AFDN: variants seen among roughly 807,000 people sequenced by gnomAD.
AFDN encodes the protein afadin, adherens junction formation factor.
In AFDN, 68 loss-of-function variants were observed where a neutral mutation model predicts 216.6. The observed-to-expected ratio is 0.31, with a 90% CI of 0.26 to 0.38. AFDN has a LOEUF of 0.38. AFDN is among the 10% of genes least tolerant of loss of function. The pLI, the probability that AFDN is intolerant of heterozygous loss-of-function variation, is 1.00. For missense variants in AFDN, 2,136 were observed against 2,342.0 expected (o/e 0.91, Z 1.82); for synonymous variants, 868 against 853.7 (o/e 1.02, Z -0.29).
chr6:167,903,975 A>G (rs1789322839), intron 12 of AFDN, among the ~76,000 whole-genome samples: 1 of 152,096 alleles, frequency 6.6e-6, no homozygotes, highest in Non-Finnish European at 1.5e-5. Flanking sequence ...ACCCTCCTAT[A>G]AACCACCTAG....
chr6:167,889,174 T>C, intron 6 of AFDN, 41 bp from the exon 7 acceptor site: 2 of 1,346,500 alleles, frequency 1.5e-6, no homozygotes, highest in Non-Finnish European at 2.1e-6. Context: ...TTAACTTAGT[T>C]ACTTTGGCAC....
Position 167,921,755 on chromosome 6 carries a change from C to G in AFDN, c.2909-1101C>G, listed in dbSNP as rs527837308. Among the ~76,000 whole-genome samples the G allele has an allele frequency of 9.7e-4, 147 of 151,214 alleles. 1 individual carries two copies. The highest frequency in any genetic ancestry group is 1.0e-3 in the Non-Finnish European group (71 of 67,864). ...TTCCCTGAAACATGAGAAAGAGAAG[C>G]AAGTTGTAGGTTATATTTTCATGAA... On this transcript the variant is annotated intron_variant, in intron 21 of 33. Coordinates refer to ENST00000683244, the MANE Select transcript of AFDN (RefSeq NM_001386888.1).
In AFDN at chr6:167,901,027, T is replaced by C. The variant is rs561502023; in HGVS notation, c.1581-1290T>C. On this transcript the variant is annotated intron_variant, in intron 11 of 33. Transcript: ENST00000683244. ...GGTATTATTTTGCATTACAAAATGG[T>C]TTTATTTTCTTAGTGGTGAGATAGA... Among the ~76,000 whole-genome samples, 11 of 152,300 alleles carry C rather than the reference T, an allele frequency of 7.2e-5. No individual in the cohort carries two copies. The South Asian group carries it at 2.3e-3, about 32-fold the overall frequency.
At position 167,951,600 on chromosome 6, in the gene AFDN, C is replaced by A. The variant is rs144643489; in HGVS notation, c.4246C>A (p.Arg1416=). The A allele has an allele frequency of 4.4e-4, 717 of 1,613,996 alleles. 1 individual carries two copies. Among genetic ancestry groups the A allele is most frequent in the Middle Eastern group, 2.1e-3 (13 of 6,062 alleles). Reference sequence around the variant, plus strand: ...GTCTGCGCAGGTGGCTGCTGCTGAACGGAGAAAGAGAGAAGAACATCAGCG... The same window carrying A: ...GTCTGCGCAGGTGGCTGCTGCTGAAAGGAGAAAGAGAGAAGAACATCAGCG... ...LPSAQVAAAE[R]RKREEHQRWY... The change falls in exon 30 of 34, where the codon CGG becomes AGG. Residue 1416 remains arginine, a synonymous_variant. Coordinates refer to ENST00000683244, the MANE Select transcript of AFDN (RefSeq NM_001386888.1). This position sits in a 1 kb window ranked among gnomAD's most constrained non-coding sequence, Gnocchi z 7.1.
intron 23 of AFDN, among the ~76,000 whole-genome samples, chr6:167,936,907 T>C (rs1418212001): frequency 1.3e-5 from 2 of 152,234 alleles, no homozygotes; most frequent in Non-Finnish European, 2.9e-5. Flanking sequence ...TTCTTTCATC[T>C]CTGGGTAATC....
intron 1 of AFDN, among the ~76,000 whole-genome samples, chr6:167,851,295 G>A (rs1417044473): frequency 6.6e-6 from 1 of 152,110 alleles, no homozygotes. Context: ...AGGGTCAGGG[G>A]ACATCTGCAG....
intron 3 of AFDN, among the ~76,000 whole-genome samples, chr6:167,871,823 G>A (rs1784831056): frequency 6.6e-6 from 1 of 152,048 alleles, no homozygotes; most frequent in Non-Finnish European, 1.5e-5. Context: ...TTATAATTTT[G>A]TTAGGTTTCT....
intron 12 of AFDN, among the ~76,000 whole-genome samples, chr6:167,902,788 T>C (rs958161849): frequency 1.3e-5 from 2 of 152,228 alleles, no homozygotes; most frequent in Non-Finnish European, 2.9e-5. Context: ...AAAGAGAAAC[T>C]GCAGATAAGG....
Position 167,969,949 on chromosome 6 carries a change from G to T in AFDN, c.*14G>T. ...AACACAAAGTGAAAGAAAATGAGGA[G>T]AACACTTTGTATTTACCCCAAAATC... On this transcript the variant is annotated 3_prime_UTR_variant, in exon 34 of 34. Transcript: ENST00000683244. 6.3e-7 allele frequency: 1 copy of T among 1,596,124 alleles called. No homozygotes were observed. Among genetic ancestry groups the T allele is most frequent in the Non-Finnish European group, 8.5e-7 (1 of 1,174,222 alleles).
At chr6:167,837,741 G>A (rs1039501896) in intron 1 of AFDN, among the ~76,000 whole-genome samples, 11 of 152,178 alleles carry the variant, frequency 7.2e-5, no homozygotes, top group Non-Finnish European at 1.2e-4. Flanking sequence ...AAACTAGTAA[G>A]CCACAGAGCA....
chr6:167,899,558 C>A (rs542481727), intron 11 of AFDN, among the ~76,000 whole-genome samples: 8 of 152,274 alleles, frequency 5.3e-5, no homozygotes, highest in Admixed American at 2.6e-4. Context: ...TACATGGGCT[C>A]TTCCCTTCAG....
chr6:167,832,508 T>C lies in AFDN; in HGVS notation c.105+5271T>C, dbSNP rs528444413. On this transcript the variant is annotated intron_variant, in intron 1 of 33. Transcript: ENST00000683244. The stretch of plus-strand genomic sequence containing the variant: ...ACCATAAGAACATAAAATTCACTAA[T>C]CATTTTGACATATGTGATTGACCAA... 7.9e-5 allele frequency among the ~76,000 whole-genome samples: 12 copies of C among 152,330 alleles called. No individual in the cohort carries two copies. In the South Asian group the frequency reaches 2.5e-3, roughly 32 times the overall value.
intron 1 of AFDN, among the ~76,000 whole-genome samples, chr6:167,860,159 CTTTTTTT>C (rs370176215): frequency 1.6e-4 from 13 of 79,400 alleles, no homozygotes; most frequent in Admixed American, 3.2e-4. Context: ...TACAGCAATG[CTTTTTTT>C]TTTTTTTTTT....
intron 1 of AFDN, among the ~76,000 whole-genome samples, chr6:167,864,111 C>T (rs1783894167): frequency 6.6e-6 from 1 of 152,166 alleles, no homozygotes; most frequent in Non-Finnish European, 1.5e-5. Flanking sequence ...ACTTTGGAGT[C>T]TGGTGGATCT....
Position 167,925,510 on chromosome 6 carries a change from G to A in AFDN, c.3099+419G>A, listed in dbSNP as rs71573427. Among the ~76,000 whole-genome samples the A allele has an allele frequency of 6.4e-3, 970 of 152,208 alleles. 6 individuals are homozygous for A. Among genetic ancestry groups the A allele is most frequent in the Non-Finnish European group, 0.01 (710 of 68,004 alleles). ...TCAGACTCCAGTGCACATAAAAACC[G>A]CTAAGGACTTTGCTACACAAGGAGA... On this transcript the variant is annotated intron_variant, in intron 23 of 33. Coordinates refer to ENST00000683244, the MANE Select transcript of AFDN (RefSeq NM_001386888.1).
At chr6:167,847,233 A>T (rs543966729) in intron 1 of AFDN, among the ~76,000 whole-genome samples, 56 of 152,314 alleles carry the variant, frequency 3.7e-4, no homozygotes, top group African/African-American at 1.2e-3. Flanking sequence ...CCCAGACCTC[A>T]GGGTCTGATC....
At chr6:167,827,319 A>T (rs1406311433) in intron 1 of AFDN, 82 bp downstream of exon 1, 2 of 352,636 alleles carry the variant, frequency 5.7e-6, no homozygotes, top group South Asian at 1.3e-4. Context: ...GCCGCCCGCC[A>T]GCCGCGGACC....
intron 1 of AFDN, among the ~76,000 whole-genome samples, chr6:167,843,377 G>A (rs1366556079): frequency 6.6e-6 from 1 of 152,170 alleles, no homozygotes; most frequent in Non-Finnish European, 1.5e-5. Context: ...ATTCCTCACT[G>A]AATTAAGCAC....
chr6:167,877,632 A>G (rs1319135094), intron 5 of AFDN, among the ~76,000 whole-genome samples: 1 of 152,230 alleles, frequency 6.6e-6, no homozygotes, highest in Non-Finnish European at 1.5e-5. Flanking sequence ...AAAAGTATTA[A>G]TGAAGTCCAA....
Sources: allele counts gnomAD v4.1 joint callset (sites outside exome capture counted in the v4.1 genomes callset), GRCh38; gene constraint gnomAD v4.1.1; non-coding constraint Gnocchi (gnomAD v3.1); transcripts MANE v1.5; gene names NCBI Gene and HGNC (gene_info 2026-07-23, HGNC 2026-07-21).